Variants in EIF3F observed in about 807,000 individuals in gnomAD.
EIF3F encodes deubiquitinating enzyme eIF3f.
EIF3F carries 8 observed loss-of-function variants against 36.0 expected under a neutral mutation model. That is an observed-to-expected ratio of 0.22 (90% CI 0.13 to 0.40). The LOEUF (loss-of-function observed/expected upper bound fraction) is 0.40. EIF3F is among the 10% of genes least tolerant of loss of function. EIF3F has a pLI of 1.00. For synonymous variants in EIF3F, 184 were observed against 188.5 expected (o/e 0.98, Z 0.19); for missense variants, 430 against 467.6 (o/e 0.92, Z 0.74).
intron 1 of EIF3F, among the ~76,000 whole-genome samples, chr11:7,990,623 A>G (rs1378438634): frequency 6.6e-6 from 1 of 152,180 alleles, no homozygotes; most frequent in Admixed American, 6.5e-5. Flanking sequence ...AGTCTGTTCA[A>G]CGCTGATGAG....
chr11:7,992,768 G>T, intron 3 of EIF3F, 119 bp from the exon 4 acceptor site: 2 of 1,277,196 alleles, frequency 1.6e-6, no homozygotes. Flanking sequence ...TTGGCAGTTG[G>T]TGTCACTAGG....
chr11:7,987,343 T>G lies in EIF3F; in HGVS notation c.-10T>G. 1 of 1,588,952 alleles carries G rather than the reference T, an allele frequency of 6.3e-7. No individual in the cohort carries two copies. The highest frequency in any genetic ancestry group is 8.5e-7 in the Non-Finnish European group (1 of 1,173,874). On this transcript the variant is annotated 5_prime_UTR_variant, in exon 1 of 8. Coordinates refer to ENST00000651655, the MANE Select transcript of EIF3F (RefSeq NM_003754.3). ...TCATTTCCGCTTCCGCCTCCTTCTTTCTCGACAAGATGGCCACACCGGCGG... is the reference window on the plus strand; with the variant it reads ...TCATTTCCGCTTCCGCCTCCTTCTTGCTCGACAAGATGGCCACACCGGCGG...
At position 7,992,876 on chromosome 11, in the gene EIF3F, C is replaced by T. The variant is rs781150083; in HGVS notation, c.516-11C>T. 2 of 1,613,920 alleles carry T rather than the reference C, an allele frequency of 1.2e-6. No individual in the cohort carries two copies. Among genetic ancestry groups the T allele is most frequent in the Admixed American group, 3.3e-5 (2 of 60,012 alleles). ...ATAGACAGGAGTCCACCACTGTGTT[C>T]CATTTCACAGGTACGCTACGGGCCA... On this transcript the variant is annotated splice_polypyrimidine_tract_variant and intron_variant, in intron 3 of 7. Coordinates refer to ENST00000651655, the MANE Select transcript of EIF3F (RefSeq NM_003754.3).
chr11:7,994,959 A>G, intron 5 of EIF3F, 23 bp from the exon 6 acceptor site: 1 of 1,610,374 alleles, frequency 6.2e-7, no homozygotes, highest in Non-Finnish European at 8.5e-7. Flanking sequence ...TGCCGCTGCC[A>G]CCCTGCCAAC....
At chr11:7,993,110 T>C in intron 4 of EIF3F, 86 bp downstream of exon 4, 1 of 1,439,912 alleles carries the variant, frequency 6.9e-7, no homozygotes, top group Non-Finnish European at 9.3e-7. Flanking sequence ...ATTCCTTCCA[T>C]GTGTAACTTG....
At chr11:7,990,209 A>G (rs1305863481) in intron 1 of EIF3F, among the ~76,000 whole-genome samples, 1 of 152,208 alleles carries the variant, frequency 6.6e-6, no homozygotes, top group African/African-American at 2.4e-5. Flanking sequence ...CTGGAGTGCA[A>G]AAGAGATGTG....
At chr11:7,994,705 T>C in intron 5 of EIF3F, 188 bp downstream of exon 5, 2 of 695,854 alleles carry the variant, frequency 2.9e-6, no homozygotes, top group Non-Finnish European at 4.7e-6. Flanking sequence ...GAGAAACTGT[T>C]AAAGGTGGGA....
rs1418463010 is a variant in EIF3F, at chr11:7,987,375, T to G, written c.23T>G (p.Val8Gly). 6.3e-7 allele frequency: 1 copy of G among 1,597,168 alleles called. No individual in the cohort carries two copies. The highest frequency in any genetic ancestry group is 1.3e-5 in the African/African-American group (1 of 74,768). MATPAVP[V>G]SAPPATPTPV... ...AAGATGGCCACACCGGCGGTACCAG[T>G]AAGTGCTCCTCCGGCCACGCCAACC... Residue 8 changes from valine (V) to glycine (G), a missense_variant, in exon 1 of 8, where the codon GTA (valine) becomes GGA (glycine). Transcript: ENST00000651655.
intron 1 of EIF3F, among the ~76,000 whole-genome samples, chr11:7,988,251 C>T (rs879362363): frequency 6.6e-6 from 1 of 152,152 alleles, no homozygotes; most frequent in South Asian, 2.1e-4. Flanking sequence ...ACAAGTAAAC[C>T]GGTTTGGTTG....
At chr11:7,993,964 C>T (rs1942130913) in intron 4 of EIF3F, among the ~76,000 whole-genome samples, 1 of 144,240 alleles carries the variant, frequency 6.9e-6, no homozygotes, top group Non-Finnish European at 1.5e-5. Flanking sequence ...ATATAATTGA[C>T]ATAGTAAAAA....
chr11:7,999,563 T>C lies in EIF3F; in HGVS notation c.*3541T>C, dbSNP rs1485099739. 6.6e-6 allele frequency: 1 copy of C among 152,186 alleles called. No homozygotes were observed. The highest frequency in any genetic ancestry group is 1.5e-5 in the Non-Finnish European group (1 of 68,024). The allele number at this position is 152,186 out of a possible 1,614,324, so 9.4% of individuals were successfully genotyped here. A position where few individuals can be genotyped will look rare whatever the true frequency, so the allele number is the denominator to read the frequency against. ...CCAAAAAATCCCTGCAGAGGGAAAC[T>C]AGCCCTTCCAGATATAAAATATATT... On this transcript the variant is annotated 3_prime_UTR_variant, in exon 8 of 8. Transcript: ENST00000651655.
In EIF3F at chr11:7,994,879, A is replaced by C. The variant is rs543653675; in HGVS notation, c.746-103A>C. On this transcript the variant is annotated intron_variant, in intron 5 of 7. Coordinates refer to ENST00000651655, the MANE Select transcript of EIF3F (RefSeq NM_003754.3). ...GAGTCTAAGGGGAGTTGGGAAACAG[A>C]GTTAGTAGGACGTTAAGACCATCTC... 104 of 1,510,356 alleles carry C rather than the reference A, an allele frequency of 6.9e-5. 1 individual carries two copies. In the South Asian group the frequency reaches 1.2e-3, roughly 17 times the overall value. The allele number at this position is 1,510,356 out of a possible 1,614,324, so 93.6% of individuals were successfully genotyped here.
chr11:7,988,202 C>T (rs1412850806), intron 1 of EIF3F, among the ~76,000 whole-genome samples: 1 of 152,140 alleles, frequency 6.6e-6, no homozygotes, highest in Non-Finnish European at 1.5e-5. Flanking sequence ...AACCAGTTGT[C>T]AAAGGAGTGG....
chr11:7,990,322 A>G (rs1564885909), intron 1 of EIF3F, among the ~76,000 whole-genome samples: 1 of 152,244 alleles, frequency 6.6e-6, no homozygotes, highest in Non-Finnish European at 1.5e-5. Context: ...CAAACTTTCT[A>G]TAAAGGTCCA....
chr11:7,987,728 G>A lies in EIF3F; in HGVS notation c.364+12G>A. On this transcript the variant is annotated intron_variant, in intron 1 of 7. Transcript: ENST00000651655. Reference sequence around the variant, plus strand: ...CGGGACCCTGTTGGGTGAGTGGTCAGAGAAAGTTAACATTCTTTTCTTCCT... The same window carrying A: ...CGGGACCCTGTTGGGTGAGTGGTCAAAGAAAGTTAACATTCTTTTCTTCCT... The A allele has an allele frequency of 6.7e-7, 1 of 1,500,186 alleles. No homozygotes were observed. Among genetic ancestry groups the A allele is most frequent in the Non-Finnish European group, 8.9e-7 (1 of 1,124,918 alleles). The allele number at this position is 1,500,186 out of a possible 1,614,324, so 92.9% of individuals were successfully genotyped here. A position where few individuals can be genotyped will look rare whatever the true frequency, so the allele number is the denominator to read the frequency against.
chr11:7,993,073 A>G (rs752707763), intron 4 of EIF3F, 49 bp downstream of exon 4: 1 of 1,509,896 alleles, frequency 6.6e-7, no homozygotes, highest in South Asian at 1.3e-5. Context: ...CCCAGATGCC[A>G]TCCCTCCCCC....
chr11:7,992,225 T>C (rs779748781), intron 3 of EIF3F, 62 bp downstream of exon 3: 75 of 1,390,528 alleles, frequency 5.4e-5, no homozygotes, highest in Non-Finnish European at 7.0e-5. Flanking sequence ...CCGGTGTCTT[T>C]TGCTACTGGA....
At chr11:7,987,846 AT>A (rs1338526127) in intron 1 of EIF3F, 130 bp downstream of exon 1, 94 of 1,293,492 alleles carry the variant, frequency 7.3e-5, no homozygotes, top group Non-Finnish European at 1.8e-5. Flanking sequence ...TGACCTCTTA[AT>A]CTATATCTGC....
At position 7,995,352 on chromosome 11, in the gene EIF3F, C is replaced by T. The variant is rs757288711; in HGVS notation, c.981C>T (p.Leu327=). 7.4e-6 allele frequency: 12 copies of T among 1,613,906 alleles called. No individual in the cohort carries two copies. The highest frequency in any genetic ancestry group is 9.3e-6 in the Non-Finnish European group (11 of 1,179,782). ...KIVPDDFETM[L]NSNINDLLMV... ...TTCCCGATGACTTTGAGACCATGCT[C>T]AACAGCAACATCAATGTGAGTGCCC... The change falls in exon 7 of 8, where the codon CTC becomes CTT. Residue 327 remains leucine, a synonymous_variant. Coordinates refer to ENST00000651655, the MANE Select transcript of EIF3F (RefSeq NM_003754.3).
Sources: gnomAD v4.1 joint callset for allele counts (sites outside exome capture counted in the v4.1 genomes callset) on GRCh38, gnomAD v4.1.1 for gene constraint, MANE v1.5 for transcripts, NCBI Gene and HGNC (gene_info 2026-07-23, HGNC 2026-07-21) for gene names.